Variants in HIP1 observed in about 807,000 individuals in gnomAD.
HIP1 encodes huntingtin-interacting protein 1.
In HIP1, 65 loss-of-function variants were observed where a neutral mutation model predicts 147.6. That is an observed-to-expected ratio of 0.44 (90% CI 0.36 to 0.54). The LOEUF (loss-of-function observed/expected upper bound fraction) is 0.54, where lower values mean the gene tolerates loss of function less well. Among genes scored for constraint, HIP1 ranks in the 20% least tolerant of loss-of-function variants. HIP1 has a pLI of 0.00. For synonymous variants in HIP1, 479 were observed against 504.0 expected (o/e 0.95, Z 0.67); for missense variants, 1,061 against 1,299.6 (o/e 0.82, Z 2.82).
intron 1 of HIP1, among the ~76,000 whole-genome samples, chr7:75,603,828 G>A (rs587763917): frequency 1.3e-5 from 2 of 151,016 alleles, no homozygotes; most frequent in Admixed American, 6.6e-5. Context: ...AGCCGTGATC[G>A]CCCCCACTGC....
rs192106235 is a variant in HIP1 at position 75,548,884 on chromosome 7, C to T, written c.2406+7G>A. On this transcript the variant is annotated splice_region_variant and intron_variant, in intron 23 of 30. Transcript: ENST00000336926. Reference sequence around the variant, plus strand: ...TCGTTTCAGGAGATCCTGCAGGAACCTCCTACCTCTATTCTGGCCGTGGCA... The same window carrying T: ...TCGTTTCAGGAGATCCTGCAGGAACTTCCTACCTCTATTCTGGCCGTGGCA... 1.3e-6 allele frequency: 2 copies of T among 1,599,958 alleles called. No individual in the cohort carries two copies. Among genetic ancestry groups the T allele is most frequent in the Admixed American group, 1.7e-5 (1 of 59,984 alleles).
At chr7:75,639,590 T>TGTGCGCGC (rs1554510184) in intron 1 of HIP1, among the ~76,000 whole-genome samples, 40 of 150,130 alleles carry the variant, frequency 2.7e-4, no homozygotes, top group African/African-American at 9.1e-4. Flanking sequence ...TGTGTGTGTG[T>TGTGCGCGC]GTGCGCCCGC....
intron 1 of HIP1, among the ~76,000 whole-genome samples, chr7:75,643,480 T>C (rs1554510726): frequency 6.6e-6 from 1 of 152,036 alleles, no homozygotes; most frequent in Non-Finnish European, 1.5e-5. Flanking sequence ...TCCATTTAAA[T>C]TAAAAGAATT....
chr7:75,592,517 G>GA lies in HIP1; in HGVS notation c.185-4dup, dbSNP rs1563227845. On this transcript the variant is annotated splice_region_variant and splice_polypyrimidine_tract_variant and intron_variant, in intron 2 of 30. Transcript: ENST00000336926. The stretch of plus-strand genomic sequence containing the variant: ...ATGGTGGGTGCCCAGTATGCACGGT[G>GA]AGGGGGGGTTATGGAAAACAACGGA... 1 of 1,608,822 alleles carries GA rather than the reference G, an allele frequency of 6.2e-7. No homozygotes were observed. Among genetic ancestry groups the GA allele is most frequent in the South Asian group, 1.1e-5 (1 of 90,864 alleles).
rs529902831 is a variant in HIP1 at position 75,723,532 on chromosome 7, G to A, written c.120+15269C>T. On this transcript the variant is annotated intron_variant, in intron 1 of 30. Transcript: ENST00000336926. ...GCTTCCAAGTTCATTCAGGTTGTTG[G>A]TGGAATCCGACATCTTGCAGTGCCA... Among the ~76,000 whole-genome samples, 175 of 152,068 alleles carry A rather than the reference G, an allele frequency of 1.2e-3. 1 individual carries two copies. Among genetic ancestry groups the A allele is most frequent in the Non-Finnish European group, 2.1e-3 (140 of 67,974 alleles).
intron 1 of HIP1, among the ~76,000 whole-genome samples, chr7:75,630,026 C>T (rs1003520581): frequency 3.3e-5 from 5 of 152,246 alleles, no homozygotes; most frequent in South Asian, 4.1e-4. Flanking sequence ...GGCATGGTGG[C>T]ATGCACCTGT....
At chr7:75,693,170 A>G (rs1158050614) in intron 1 of HIP1, among the ~76,000 whole-genome samples, 2 of 152,084 alleles carry the variant, frequency 1.3e-5, no homozygotes, top group Non-Finnish European at 2.9e-5. Context: ...GTCTCAAAAA[A>G]AAAAAAAAAA....
intron 1 of HIP1, among the ~76,000 whole-genome samples, chr7:75,719,901 C>G (rs1003547105): frequency 6.6e-6 from 1 of 152,152 alleles, no homozygotes; most frequent in Non-Finnish European, 1.5e-5. Context: ...CTGGGTCTCC[C>G]TCAGGTTTGG....
chr7:75,717,443 T>C (rs2117368825), intron 1 of HIP1, among the ~76,000 whole-genome samples: 1 of 152,144 alleles, frequency 6.6e-6, no homozygotes, highest in Middle Eastern at 3.4e-3. Context: ...ATATTTGTCA[T>C]GGGAAGTGAG....
intron 18 of HIP1, 84 bp downstream of exon 18, chr7:75,555,941 CG>C: frequency 6.5e-7 from 1 of 1,530,470 alleles, no homozygotes. Context: ...TCAGCAGCCC[CG>C]GGGTCCTCCC....
intron 1 of HIP1, among the ~76,000 whole-genome samples, chr7:75,694,847 C>A (rs1021445906): frequency 3.3e-5 from 5 of 152,008 alleles, no homozygotes; most frequent in Non-Finnish European, 7.4e-5. Flanking sequence ...ATTCTCTGCA[C>A]TTTCCAACTT....
chr7:75,719,892 T>G (rs1554521024), intron 1 of HIP1, among the ~76,000 whole-genome samples: 1 of 152,162 alleles, frequency 6.6e-6, no homozygotes, highest in African/African-American at 2.4e-5. Context: ...GACACAAGGC[T>G]GGGTCTCCCT....
At position 75,536,479 on chromosome 7, in the gene HIP1, G is replaced by A. The variant is rs1263191940; in HGVS notation, c.*1693C>T. On this transcript the variant is annotated 3_prime_UTR_variant, in exon 31 of 31. Transcript: ENST00000336926. ...GAAGTGCTTGATGGCTACCACCAATGAGTTGCTATAGATAAAGAAGGAAGA... is the reference window on the plus strand; with the variant it reads ...GAAGTGCTTGATGGCTACCACCAATAAGTTGCTATAGATAAAGAAGGAAGA... 1.3e-5 allele frequency: 3 copies of A among 229,858 alleles called. No homozygotes were observed. The highest frequency in any genetic ancestry group is 6.7e-5 in the African/African-American group (3 of 45,090). 14.2% of individuals were successfully genotyped at this position (229,858 alleles called of 1,614,324 possible).
chr7:75,705,980 C>T (rs978543117), intron 1 of HIP1, among the ~76,000 whole-genome samples: 3 of 151,972 alleles, frequency 2.0e-5, no homozygotes, highest in Admixed American at 6.6e-5. Context: ...CAACCTCGGC[C>T]TCCTGGGTTC....
intron 1 of HIP1, among the ~76,000 whole-genome samples, chr7:75,633,693 C>A (rs587745024): frequency 6.6e-6 from 1 of 152,246 alleles, no homozygotes; most frequent in South Asian, 2.1e-4. Flanking sequence ...ACCCATCAGT[C>A]CTTGGCATCA....
chr7:75,570,174 C>T (rs1037924713), intron 8 of HIP1, among the ~76,000 whole-genome samples: 2 of 151,834 alleles, frequency 1.3e-5, no homozygotes, highest in Non-Finnish European at 1.5e-5. Flanking sequence ...CCTCGTGATC[C>T]GCCTGCCTTG....
At chr7:75,626,525 C>T (rs1798044823) in intron 1 of HIP1, 1 of 152,304 alleles carries the variant, frequency 6.6e-6, no homozygotes, top group South Asian at 2.1e-4. Context: ...TCTGCCCTCA[C>T]CACAACCCGG....
chr7:75,552,962 T>C (rs1013733006), intron 22 of HIP1, among the ~76,000 whole-genome samples: 4 of 151,230 alleles, frequency 2.6e-5, no homozygotes, highest in Non-Finnish European at 4.4e-5. Flanking sequence ...TTTTTCGAGA[T>C]AGATCTCACT....
intron 1 of HIP1, among the ~76,000 whole-genome samples, chr7:75,713,754 T>G (rs1281862506): frequency 2.0e-5 from 3 of 151,186 alleles, no homozygotes; most frequent in Non-Finnish European, 2.9e-5. Flanking sequence ...TGGAGTGCAG[T>G]GGCATGATCT....
Sources: gnomAD v4.1 joint callset for allele counts (sites outside exome capture counted in the v4.1 genomes callset) on GRCh38, gnomAD v4.1.1 for gene constraint, MANE v1.5 for transcripts, NCBI Gene and HGNC (gene_info 2026-07-23, HGNC 2026-07-21) for gene names.